Variants in CAMSAP2 observed in about 807,000 individuals in gnomAD.
CAMSAP2 encodes calmodulin regulated spectrin associated protein family member 2, also known as calmodulin-regulated spectrin-associated protein 2.
Under a neutral mutation model 146.1 loss-of-function variants are expected in CAMSAP2, and 26 were observed. The observed-to-expected ratio is 0.18, with a 90% CI of 0.13 to 0.25. The LOEUF (loss-of-function observed/expected upper bound fraction) is 0.25, where lower values mean the gene tolerates loss of function less well. CAMSAP2 is among the 10% of genes least tolerant of loss of function. The pLI, the probability that CAMSAP2 is intolerant of heterozygous loss-of-function variation, is 1.00. For missense variants in CAMSAP2, 1,381 were observed against 1,759.3 expected (o/e 0.78, Z 3.85); for synonymous variants, 499 against 596.6 (o/e 0.84, Z 2.38).
At position 200,857,766 on chromosome 1, in the gene CAMSAP2, T is replaced by C. The variant is rs755826953; in HGVS notation, c.4144T>C (p.Ser1382Pro). The change falls in exon 17 of 17, where the codon TCA becomes CCA. Residue 1382 changes from serine (S) to proline (P), a missense_variant. By Grantham distance (74) the Ser-to-Pro change is moderately conservative. This residue lies in a region of CAMSAP2 where 90 missense variants were observed against 174.4 expected (regional missense o/e 0.52). Transcript: ENST00000358823. This position sits in a 1 kb window ranked among gnomAD's most constrained non-coding sequence, Gnocchi z 4.7. ...TTTTATTTTAAAGGAAATGGAGAAA[T>C]CAGATGCCAACAACTTCTTAATCTT... Reference protein sequence around the residue: ...KKKILEEMEKSDANNFLILFR... With the variant: ...KKKILEEMEKPDANNFLILFR... 6.3e-7 allele frequency: 1 copy of C among 1,590,406 alleles called. No individual in the cohort carries two copies. Among genetic ancestry groups the C allele is most frequent in the Non-Finnish European group, 8.5e-7 (1 of 1,171,944 alleles).
At chr1:200,759,804 G>T (rs574727931) in intron 1 of CAMSAP2, among the ~76,000 whole-genome samples, 1 of 152,224 alleles carries the variant, frequency 6.6e-6, no homozygotes, top group East Asian at 1.9e-4. Context: ...CTACCTCTGG[G>T]GGACATACCT....
intron 2 of CAMSAP2, among the ~76,000 whole-genome samples, chr1:200,797,894 A>C (rs1232655022): frequency 6.6e-6 from 1 of 150,630 alleles, no homozygotes; most frequent in Non-Finnish European, 1.5e-5. Flanking sequence ...ACATATGGCT[A>C]GCCAGTTTTC....
intron 8 of CAMSAP2, 41 bp from the exon 9 acceptor site, chr1:200,847,169 A>G (rs1428225555): frequency 7.0e-7 from 1 of 1,432,800 alleles, no homozygotes; most frequent in Non-Finnish European, 9.7e-7. Flanking sequence ...TTTATATTAA[A>G]CAGCTAAAAT....
At position 200,853,030 on chromosome 1, in the gene CAMSAP2, C is replaced by CACAT. The variant is rs770005721; in HGVS notation, c.3603-245_3603-244insACAT. ...ACACACACACACACACACACACACA[C>CACAT]GACCTAAATTATCTCAAATACCTTT... On this transcript the variant is annotated intron_variant, in intron 12 of 16. Transcript: ENST00000358823. This position sits in a 1 kb window ranked among gnomAD's most constrained non-coding sequence, Gnocchi z 5.1. Among the ~76,000 whole-genome samples, 44 of 147,612 alleles carry CACAT rather than the reference C, an allele frequency of 3.0e-4. 1 individual carries two copies. The highest frequency in any genetic ancestry group is 1.7e-3 in the South Asian group (8 of 4,664).
intron 2 of CAMSAP2, among the ~76,000 whole-genome samples, chr1:200,766,600 A>G (rs762421618): frequency 1.3e-5 from 2 of 152,228 alleles, no homozygotes; most frequent in Non-Finnish European, 2.9e-5. Context: ...AAGTATAGTT[A>G]AGTAGTGAAG....
chr1:200,825,731 C>G (rs1232941207), intron 4 of CAMSAP2, among the ~76,000 whole-genome samples: 3 of 152,124 alleles, frequency 2.0e-5, no homozygotes, highest in Non-Finnish European at 4.4e-5. Context: ...TGGTCTCGAC[C>G]TCCTGACCTC....
intron 4 of CAMSAP2, among the ~76,000 whole-genome samples, chr1:200,829,955 A>G (rs776626106): frequency 6.6e-6 from 1 of 152,098 alleles, no homozygotes; most frequent in African/African-American, 2.4e-5. Context: ...TAAAATAAAA[A>G]TAAAACAAAC....
chr1:200,797,902 T>C lies in CAMSAP2; in HGVS notation c.400-9474T>C, dbSNP rs1355966812. On this transcript the variant is annotated intron_variant, in intron 2 of 16. Coordinates refer to ENST00000358823, the MANE Select transcript of CAMSAP2 (RefSeq NM_203459.4). ...GCTTTCTACATATGGCTAGCCAGTT[T>C]TCCCAGCACCATTTATTAAATAGGG... Among the ~76,000 whole-genome samples the C allele has an allele frequency of 1.4e-4, 21 of 151,386 alleles. No individual in the cohort carries two copies. The South Asian group carries it at 4.0e-3, about 29-fold the overall frequency.
chr1:200,807,569 C>A (rs781074241), intron 3 of CAMSAP2, 32 bp downstream of exon 3: 39 of 1,425,210 alleles, frequency 2.7e-5, no homozygotes, highest in Non-Finnish European at 3.5e-5. Context: ...TAAATCGCAT[C>A]TCATAGCCAG....
chr1:200,848,244 T>G lies in CAMSAP2; in HGVS notation c.1475T>G (p.Ile492Arg). Residue 492 changes from isoleucine (I) to arginine (R), a missense_variant, in exon 11 of 17, where the codon ATA (isoleucine) becomes AGA (arginine). By Grantham distance (97) the Ile-to-Arg change is moderately conservative. This residue lies in a region of CAMSAP2 where 447 missense variants were observed against 462.2 expected (regional missense o/e 0.97). Transcript: ENST00000358823. ...GAGAGCATTGAAGAAGAACTTAATA[T>G]AGATTCTCACAGTGACCTCAAATCT... ...EAESIEEELN[I>R]DSHSDLKSCV... 6.2e-7 allele frequency: 1 copy of G among 1,613,596 alleles called. No individual in the cohort carries two copies. The highest frequency in any genetic ancestry group is 8.5e-7 in the Non-Finnish European group (1 of 1,179,728).
At chr1:200,762,310 A>G (rs1664823984) in intron 2 of CAMSAP2, among the ~76,000 whole-genome samples, 1 of 152,260 alleles carries the variant, frequency 6.6e-6, no homozygotes, top group Admixed American at 6.5e-5. Flanking sequence ...AGTTATTAAC[A>G]ATAACTAGAA....
chr1:200,774,176 T>C (rs1665201351), intron 2 of CAMSAP2, among the ~76,000 whole-genome samples: 1 of 152,178 alleles, frequency 6.6e-6, no homozygotes, highest in African/African-American at 2.4e-5. Flanking sequence ...GTGAAGCAGA[T>C]TGTTTTTAAT....
chr1:200,746,074 A>G (rs1313486254), intron 1 of CAMSAP2, among the ~76,000 whole-genome samples: 1 of 152,254 alleles, frequency 6.6e-6, no homozygotes, highest in African/African-American at 2.4e-5. Context: ...TTTAAGCGAG[A>G]TGAAATCATC....
chr1:200,816,321 G>A (rs1226520354), intron 4 of CAMSAP2, among the ~76,000 whole-genome samples: 1 of 150,034 alleles, frequency 6.7e-6, no homozygotes, highest in Non-Finnish European at 1.5e-5. Context: ...GGCCAGGCGT[G>A]GTGGCTCACA....
chr1:200,754,905 T>C (rs934213236), intron 1 of CAMSAP2, among the ~76,000 whole-genome samples: 2 of 152,152 alleles, frequency 1.3e-5, no homozygotes, highest in Non-Finnish European at 2.9e-5. Context: ...TAATGTATTA[T>C]TTATTTGTGT....
At chr1:200,794,652 A>G (rs1341330241) in intron 2 of CAMSAP2, among the ~76,000 whole-genome samples, 1 of 152,206 alleles carries the variant, frequency 6.6e-6, no homozygotes, top group Non-Finnish European at 1.5e-5. Context: ...TCCCAGCACA[A>G]TGCAGTTCTT....
chr1:200,761,175 G>C, intron 2 of CAMSAP2, 77 bp downstream of exon 2: 1 of 1,318,234 alleles, frequency 7.6e-7, no homozygotes, highest in Non-Finnish European at 1.1e-6. Flanking sequence ...CTGTAAAACA[G>C]AGGGAAATGT....
Position 200,858,072 on chromosome 1 carries a change from A to T in CAMSAP2, c.*13A>T. Reference sequence around the variant, plus strand: ...CACTAAGGCATAGAAGTTGGGAAATACTTGCTTCAGAACATTCATGGTAAA... The same window carrying T: ...CACTAAGGCATAGAAGTTGGGAAATTCTTGCTTCAGAACATTCATGGTAAA... On this transcript the variant is annotated 3_prime_UTR_variant, in exon 17 of 17. Transcript: ENST00000358823. 1 of 1,543,680 alleles carries T rather than the reference A, an allele frequency of 6.5e-7. No homozygotes were observed.
rs1346224147 is a variant in CAMSAP2 at position 200,858,904 on chromosome 1, A to G, written c.*845A>G. On this transcript the variant is annotated 3_prime_UTR_variant, in exon 17 of 17. Coordinates refer to ENST00000358823, the MANE Select transcript of CAMSAP2 (RefSeq NM_203459.4). ...CTCTTTTAAAGTAAGTCACTTTATA[A>G]GTTGGCAGAAGTGAATGACACTTTG... 2 of 152,432 alleles carry G rather than the reference A, an allele frequency of 1.3e-5. No individual in the cohort carries two copies. The highest frequency in any genetic ancestry group is 1.9e-4 in the East Asian group (1 of 5,346). 9.4% of individuals were successfully genotyped at this position (152,432 alleles called of 1,614,324 possible).
Sources: gnomAD v4.1 joint callset for allele counts (sites outside exome capture counted in the v4.1 genomes callset) on GRCh38, gnomAD v4.1.1 for gene constraint, gnomAD v4.1.1 regional missense constraint, Gnocchi (gnomAD v3.1) non-coding constraint, MANE v1.5 for transcripts, NCBI Gene and HGNC (gene_info 2026-07-23, HGNC 2026-07-21) for gene names.